VPS35L: variants seen among roughly 807,000 people sequenced by gnomAD.
VPS35L encodes VPS35 endosomal protein sorting factor like.
VPS35L carries 83 observed loss-of-function variants against 133.0 expected under a neutral mutation model. That is an observed-to-expected ratio of 0.62 (90% CI 0.52 to 0.75). The LOEUF is 0.75. Among genes scored for constraint, VPS35L ranks in the 30% least tolerant of loss-of-function variants. VPS35L has a pLI of 0.00. For missense variants in VPS35L, 1,083 were observed against 1,206.8 expected (o/e 0.90, Z 1.52); for synonymous variants, 423 against 449.9 (o/e 0.94, Z 0.76).
intron 5 of VPS35L, among the ~76,000 whole-genome samples, chr16:19,578,085 C>T (rs370453226): frequency 1.3e-5 from 2 of 152,208 alleles, no homozygotes; most frequent in South Asian, 4.1e-4. Context: ...GTCTGGTCCA[C>T]TGCCTGTTTT....
intron 11 of VPS35L, 22 bp from the exon 12 acceptor site, chr16:19,610,296 TGCTG>T (rs765516003): frequency 6.3e-7 from 1 of 1,590,850 alleles, no homozygotes; most frequent in Non-Finnish European, 8.6e-7. Context: ...TCGAATATAA[TGCTG>T]GCCTGTTTTT....
At position 19,597,381 on chromosome 16, in the gene VPS35L, AAAAAG is replaced by A. The variant is rs946947625; in HGVS notation, c.725-4279_725-4275del. Among the ~76,000 whole-genome samples, 13 of 152,120 alleles carry A rather than the reference AAAAAG, an allele frequency of 8.5e-5. 1 individual carries two copies. Among genetic ancestry groups the A allele is most frequent in the Non-Finnish European group, 1.2e-4 (8 of 67,966 alleles). On this transcript the variant is annotated intron_variant, in intron 8 of 30. Transcript: ENST00000417362. ...CCTGTCTCAAAAAGAAGAAAAAAAA[AAAAAG>A]AAAGGAGGAAAATGTAGACTACATG... is the stretch of plus-strand genomic sequence containing the variant.
rs1397021763 is a variant in VPS35L, at chr16:19,699,293, G to A, written c.2647-209G>A. 6 of 539,604 alleles carry A rather than the reference G, an allele frequency of 1.1e-5. No homozygotes were observed. In the Admixed American group the frequency reaches 1.2e-4, roughly 11 times the overall value. 33.4% of individuals were successfully genotyped at this position (539,604 alleles called of 1,614,324 possible). On this transcript the variant is annotated intron_variant, in intron 29 of 30. Transcript: ENST00000417362. This position sits in a 1 kb window ranked among gnomAD's most constrained non-coding sequence, Gnocchi z 4.2. Reference sequence around the variant, plus strand: ...AGCTTCGTCATCTTACTGAATCCCCGCCCTTTGCAGGGGTGACCTTACTGT... The same window carrying A: ...AGCTTCGTCATCTTACTGAATCCCCACCCTTTGCAGGGGTGACCTTACTGT...
At position 19,640,021 on chromosome 16, in the gene VPS35L, T is replaced by C. The variant is rs374146026; in HGVS notation, c.1705T>C (p.Phe569Leu). The part of the protein sequence containing the change: ...DFSVLFSVEK[F>L]LPFLDMFQKE... ...GTGCTTGCTTTATTTATAGGAAAAA[T>C]TTCTGCCGTTTCTGGACATGTTCCA... Residue 569 changes from phenylalanine (F) to leucine (L), a missense_variant, in exon 21 of 31, where the codon TTT (phenylalanine) becomes CTT (leucine). Coordinates refer to ENST00000417362, the MANE Select transcript of VPS35L (RefSeq NM_020314.7). 29 of 1,613,970 alleles carry C rather than the reference T, an allele frequency of 1.8e-5. No individual in the cohort carries two copies. The highest frequency in any genetic ancestry group is 2.1e-5 in the Non-Finnish European group (25 of 1,179,968).
At chr16:19,625,327 G>A (rs1973227532) in intron 14 of VPS35L, among the ~76,000 whole-genome samples, 1 of 152,164 alleles carries the variant, frequency 6.6e-6, no homozygotes, top group Non-Finnish European at 1.5e-5. Context: ...AGTGCAAAGT[G>A]CTTCTCACCA....
intron 21 of VPS35L, among the ~76,000 whole-genome samples, chr16:19,640,435 A>G (rs1225990342): frequency 1.3e-5 from 2 of 152,220 alleles, no homozygotes; most frequent in Non-Finnish European, 1.5e-5. Context: ...CAGCAGCTCC[A>G]TTTTACTTTT....
At chr16:19,567,186 G>A (rs1288655762) in intron 2 of VPS35L, among the ~76,000 whole-genome samples, 1 of 152,196 alleles carries the variant, frequency 6.6e-6, no homozygotes, top group Admixed American at 6.5e-5. Context: ...TAGGTAAGGA[G>A]ACAGCTTTAG....
Position 19,645,033 on chromosome 16 carries a change from A to G in VPS35L, c.1929+84A>G, listed in dbSNP as rs1427434106. 3 of 936,622 alleles carry G rather than the reference A, an allele frequency of 3.2e-6. No homozygotes were observed. The African/African-American group carries it at 4.9e-5, about 15-fold the overall frequency. 58.0% of individuals were successfully genotyped at this position (936,622 alleles called of 1,614,324 possible). A position where few individuals can be genotyped will look rare whatever the true frequency, so the allele number is the denominator to read the frequency against. ...TATGTTGGCGAAAGCAGTTAACATT[A>G]TGTTCTCTGGTGCTTTTCATTCTTA... On this transcript the variant is annotated intron_variant, in intron 23 of 30. Coordinates refer to ENST00000417362, the MANE Select transcript of VPS35L (RefSeq NM_020314.7).
chr16:19,642,350 C>A, intron 21 of VPS35L, 46 bp from the exon 22 acceptor site: 1 of 1,510,588 alleles, frequency 6.6e-7, no homozygotes, highest in Non-Finnish European at 9.2e-7. Flanking sequence ...TCTTGCAGTG[C>A]TGTCAGTGGA....
At chr16:19,698,172 G>A (rs1209867481) in intron 29 of VPS35L, among the ~76,000 whole-genome samples, 1 of 152,164 alleles carries the variant, frequency 6.6e-6, no homozygotes, top group Non-Finnish European at 1.5e-5. Flanking sequence ...CTACTTCCTT[G>A]TTCCTTCAGG....
intron 8 of VPS35L, among the ~76,000 whole-genome samples, chr16:19,596,439 G>A (rs916596431): frequency 1.1e-4 from 16 of 148,218 alleles, no homozygotes; most frequent in African/African-American, 2.5e-5. Flanking sequence ...CATGCCCAGC[G>A]AATTTTTTTT....
intron 28 of VPS35L, among the ~76,000 whole-genome samples, chr16:19,686,720 T>C (rs1195234460): frequency 6.6e-6 from 1 of 152,176 alleles, no homozygotes; most frequent in Non-Finnish European, 1.5e-5. Flanking sequence ...CTTTTAATTC[T>C]CAAATGCGCC....
At chr16:19,661,727 C>T (rs1974491861) in intron 26 of VPS35L, among the ~76,000 whole-genome samples, 1 of 152,184 alleles carries the variant, frequency 6.6e-6, no homozygotes, top group African/African-American at 2.4e-5. Flanking sequence ...TTGGTCCCCA[C>T]AGTGTGTGTA....
chr16:19,576,055 A>C (rs1971524671), intron 5 of VPS35L, among the ~76,000 whole-genome samples: 2 of 147,612 alleles, frequency 1.4e-5, no homozygotes, highest in Non-Finnish European at 3.0e-5. Flanking sequence ...AATCCCAGCT[A>C]CTCAGGAGGC....
At chr16:19,616,865 C>G in intron 14 of VPS35L, 57 bp downstream of exon 14, 2 of 1,610,204 alleles carry the variant, frequency 1.2e-6, no homozygotes, top group Non-Finnish European at 1.7e-6. Context: ...ACAGCCCCTG[C>G]CCACTGTGCC....
intron 10 of VPS35L, 192 bp downstream of exon 10, chr16:19,608,466 T>G: frequency 1.9e-6 from 1 of 537,788 alleles, no homozygotes; most frequent in Non-Finnish European, 3.3e-6. Flanking sequence ...TCTTTCCAGT[T>G]TTTTGTCTTT....
At chr16:19,582,019 T>G (rs939605885) in intron 7 of VPS35L, 1 of 187,980 alleles carries the variant, frequency 5.3e-6, no homozygotes, top group East Asian at 1.4e-4. Flanking sequence ...CGGGATTCCT[T>G]GACCGCATTC....
chr16:19,613,290 A>G (rs752229640), intron 12 of VPS35L, among the ~76,000 whole-genome samples: 6 of 152,160 alleles, frequency 3.9e-5, no homozygotes, highest in Non-Finnish European at 8.8e-5. Flanking sequence ...GTGACAGAGC[A>G]AGACTGCCTC....
intron 20 of VPS35L, among the ~76,000 whole-genome samples, chr16:19,638,758 A>T (rs913975530): frequency 9.9e-5 from 15 of 152,204 alleles, no homozygotes; most frequent in Admixed American, 8.5e-4. Context: ...CCTGGGAGGG[A>T]CAGAACAGTA....
Sources: gnomAD v4.1 joint callset for allele counts (sites outside exome capture counted in the v4.1 genomes callset) on GRCh38, gnomAD v4.1.1 for gene constraint, Gnocchi (gnomAD v3.1) non-coding constraint, MANE v1.5 for transcripts, NCBI Gene and HGNC (gene_info 2026-07-23, HGNC 2026-07-21) for gene names.